Variants in PICALM observed in about 807,000 individuals in gnomAD.
PICALM encodes phosphatidylinositol binding clathrin assembly protein.
A neutral mutation model predicts 80.5 loss-of-function variants in PICALM; 40 were observed. That is an observed-to-expected ratio of 0.50 (90% confidence interval 0.39 to 0.65). The LOEUF (loss-of-function observed/expected upper bound fraction) is 0.65, where lower values mean the gene tolerates loss of function less well. Ranked by LOEUF, PICALM falls within the 30% of genes least tolerant of loss-of-function variation. The pLI is 0.00. For synonymous variants in PICALM, 288 were observed against 260.3 expected (o/e 1.11, Z -1.02); for missense variants, 676 against 778.9 (o/e 0.87, Z 1.57).
At chr11:85,976,878 T>A in intron 17 of PICALM, 196 bp from the exon 18 acceptor site, 1 of 492,892 alleles carries the variant, frequency 2.0e-6, no homozygotes, top group Admixed American at 3.4e-5. Flanking sequence ...AAAGCAGACT[T>A]ATTAGAAGGA....
At chr11:85,960,974 T>C (rs1445222067) in intron 19 of PICALM, among the ~76,000 whole-genome samples, 3 of 152,050 alleles carry the variant, frequency 2.0e-5, no homozygotes, top group African/African-American at 7.2e-5. Context: ...TGCAATGGCA[T>C]GTGTTTTTCA....
chr11:85,997,559 C>T (rs988501007), intron 11 of PICALM, among the ~76,000 whole-genome samples: 2 of 152,330 alleles, frequency 1.3e-5, no homozygotes, highest in East Asian at 3.9e-4. Context: ...TAACCTCTGC[C>T]TCCCAGGTTC....
At chr11:86,043,302 C>G (rs2096008011) in intron 1 of PICALM, among the ~76,000 whole-genome samples, 1 of 152,180 alleles carries the variant, frequency 6.6e-6, no homozygotes, top group Admixed American at 6.5e-5. Context: ...AACCCCTCTA[C>G]CCATGACCAT....
chr11:85,993,759 C>G (rs745421309), intron 12 of PICALM, among the ~76,000 whole-genome samples: 6 of 152,092 alleles, frequency 3.9e-5, no homozygotes, highest in African/African-American at 1.4e-4. Context: ...TAATTTTATG[C>G]TACACTAGAG....
intron 1 of PICALM, among the ~76,000 whole-genome samples, chr11:86,059,967 C>G (rs2096332782): frequency 6.6e-6 from 1 of 151,878 alleles, no homozygotes; most frequent in African/African-American, 2.4e-5. Context: ...ATTGTTAAGA[C>G]TTTTTTGCCC....
chr11:86,048,790 C>T (rs1424311124), intron 1 of PICALM, among the ~76,000 whole-genome samples: 1 of 144,312 alleles, frequency 6.9e-6, no homozygotes. Context: ...CAAGATATAG[C>T]ACCACTGCAC....
intron 5 of PICALM, 67 bp from the exon 6 acceptor site, chr11:86,012,459 C>A: frequency 1.1e-6 from 1 of 877,752 alleles, no homozygotes; most frequent in Non-Finnish European, 1.9e-6. Context: ...AAAAAGATTT[C>A]CTTCAAATTA....
intron 1 of PICALM, among the ~76,000 whole-genome samples, chr11:86,049,759 C>T (rs1477788080): frequency 1.3e-5 from 2 of 151,376 alleles, no homozygotes. Flanking sequence ...AAGAGAACTG[C>T]TACCTTCCAA....
intron 13 of PICALM, among the ~76,000 whole-genome samples, chr11:85,989,188 T>C (rs1278637197): frequency 6.6e-6 from 1 of 152,218 alleles, no homozygotes; most frequent in African/African-American, 2.4e-5. Context: ...GGCTGGCAAC[T>C]TGTATCAAAA....
chr11:86,003,003 C>G (rs2095185734), intron 9 of PICALM, among the ~76,000 whole-genome samples: 1 of 151,076 alleles, frequency 6.6e-6, no homozygotes, highest in African/African-American at 2.5e-5. Flanking sequence ...TAGAGTGAGA[C>G]TCTGCCTCGG....
chr11:85,978,209 C>T (rs1055280904), intron 17 of PICALM: 3 of 797,446 alleles, frequency 3.8e-6, no homozygotes, highest in African/African-American at 3.4e-5. Flanking sequence ...TCACTAACTA[C>T]CTAAAATCCC....
intron 11 of PICALM, among the ~76,000 whole-genome samples, chr11:85,998,535 G>A (rs2095049120): frequency 6.6e-6 from 1 of 151,548 alleles, no homozygotes; most frequent in Non-Finnish European, 1.5e-5. Flanking sequence ...GCTCATGCCT[G>A]TAATCCCAGC....
chr11:86,048,713 T>C (rs909105231), intron 1 of PICALM, among the ~76,000 whole-genome samples: 19 of 151,614 alleles, frequency 1.3e-4, no homozygotes, highest in African/African-American at 4.6e-4. Flanking sequence ...ATGCCTGTAA[T>C]CTCAGCTACT....
At chr11:86,033,183 A>C (rs1038194124) in intron 1 of PICALM, among the ~76,000 whole-genome samples, 3 of 152,198 alleles carry the variant, frequency 2.0e-5, no homozygotes, top group Non-Finnish European at 4.4e-5. Flanking sequence ...GGCACTGAAC[A>C]TATTACACTA....
At chr11:86,016,220 G>A (rs184253734) in intron 4 of PICALM, among the ~76,000 whole-genome samples, 1 of 152,208 alleles carries the variant, frequency 6.6e-6, no homozygotes, top group Non-Finnish European at 1.5e-5. Context: ...CATCTACATG[G>A]ACAACCAATC....
At chr11:86,059,906 T>C (rs1374644001) in intron 1 of PICALM, among the ~76,000 whole-genome samples, 14 of 151,952 alleles carry the variant, frequency 9.2e-5, no homozygotes, top group African/African-American at 3.1e-4. Flanking sequence ...TAATCAAGAG[T>C]TCCAATTAAT....
At chr11:86,006,117 C>T (rs1049639348) in intron 8 of PICALM, among the ~76,000 whole-genome samples, 2 of 152,122 alleles carry the variant, frequency 1.3e-5, no homozygotes, top group Non-Finnish European at 2.9e-5. Context: ...TCTAAAGTTG[C>T]CAAATCATTT....
Position 86,031,601 on chromosome 11 carries a change from C to T in PICALM, c.141G>A (p.Gln47=). The T allele has an allele frequency of 6.2e-7, 1 of 1,605,536 alleles. No individual in the cohort carries two copies. The highest frequency in any genetic ancestry group is 1.1e-5 in the South Asian group (1 of 89,848). The change falls in exon 2 of 20, where the codon CAG becomes CAA. Residue 47 remains glutamine, a synonymous_variant. Coordinates refer to ENST00000393346, the MANE Select transcript of PICALM (RefSeq NM_007166.4). ...TGTTCACATTCATCTCATTTGTGCA[C>T]TGAATTAAGTCTGCAATAAAAAATT... ...PKKKHLDYLI[Q]CTNEMNVNIP... is the part of the protein sequence containing the mutation.
intron 1 of PICALM, among the ~76,000 whole-genome samples, chr11:86,040,103 ACTGT>A (rs1019903095): frequency 1.9e-4 from 29 of 151,992 alleles, no homozygotes; most frequent in South Asian, 4.1e-4. Flanking sequence ...AAAGAAACAA[ACTGT>A]CTTAGTGTTA....
Sources: allele counts gnomAD v4.1 joint callset (sites outside exome capture counted in the v4.1 genomes callset), GRCh38; gene constraint gnomAD v4.1.1; transcripts MANE v1.5; gene names NCBI Gene and HGNC (gene_info 2026-07-23, HGNC 2026-07-21).